AFG1L: variants seen among roughly 807,000 people sequenced by gnomAD.
The protein encoded by AFG1L is AFG1-like ATPase.
AFG1L carries 53 observed loss-of-function variants against 62.2 expected under a neutral mutation model. The ratio of observed to expected loss-of-function variants is 0.85; its 90% CI spans 0.68 to 1.07. AFG1L has a LOEUF of 1.07. Among genes scored for constraint, AFG1L ranks in the 50% least tolerant of loss-of-function variants. The pLI is 0.00. For missense variants in AFG1L, 555 were observed against 590.5 expected, an observed-to-expected ratio of 0.94 and a Z score of 0.62; for synonymous variants, 228 against 210.3, an observed-to-expected ratio of 1.08 and a Z score of -0.73.
chr6:108,376,918 C>T (rs570372473), intron 6 of AFG1L, among the ~76,000 whole-genome samples: 17 of 152,066 alleles, frequency 1.1e-4, no homozygotes, highest in Admixed American at 2.0e-4. Flanking sequence ...CTGGATGCTC[C>T]GATGTTGGAT....
intron 10 of AFG1L, among the ~76,000 whole-genome samples, chr6:108,480,580 A>C (rs1453555748): frequency 6.6e-6 from 1 of 152,112 alleles, no homozygotes; most frequent in Non-Finnish European, 1.5e-5. Flanking sequence ...GGCGGATCAC[A>C]TGAGGTCAGG....
intron 3 of AFG1L, among the ~76,000 whole-genome samples, chr6:108,353,965 T>G (rs1285183545): frequency 2.0e-5 from 3 of 152,212 alleles, no homozygotes; most frequent in Non-Finnish European, 4.4e-5. Context: ...AAGATAAGAC[T>G]TAGATCTTCC....
chr6:108,373,765 A>G (rs1780120220), intron 6 of AFG1L, among the ~76,000 whole-genome samples: 1 of 151,150 alleles, frequency 6.6e-6, no homozygotes, highest in South Asian at 2.1e-4. Context: ...TTAGTAGAAG[A>G]TGGGGTTTCA....
intron 7 of AFG1L, among the ~76,000 whole-genome samples, chr6:108,438,198 G>A (rs1771394260): frequency 6.6e-6 from 1 of 152,072 alleles, no homozygotes; most frequent in Non-Finnish European, 1.5e-5. Context: ...GGTTTATTAG[G>A]ACTTCTAAAA....
At chr6:108,455,783 T>C (rs887421540) in intron 8 of AFG1L, among the ~76,000 whole-genome samples, 5 of 152,212 alleles carry the variant, frequency 3.3e-5, no homozygotes, top group Admixed American at 2.0e-4. Flanking sequence ...CAGATTTAAC[T>C]AATTATGGTT....
chr6:108,329,807 T>C (rs1297126302), intron 2 of AFG1L, among the ~76,000 whole-genome samples: 1 of 152,216 alleles, frequency 6.6e-6, no homozygotes, highest in African/African-American at 2.4e-5. Flanking sequence ...TGGAGTTCTT[T>C]ATTCTGGTGC....
At chr6:108,346,373 T>C (rs566504746) in intron 2 of AFG1L, among the ~76,000 whole-genome samples, 1 of 152,174 alleles carries the variant, frequency 6.6e-6, no homozygotes, top group East Asian at 1.9e-4. Flanking sequence ...CTACTTTTTT[T>C]TTTTTAAATT....
intron 11 of AFG1L, among the ~76,000 whole-genome samples, chr6:108,516,532 C>T (rs1370220703): frequency 6.6e-6 from 1 of 152,138 alleles, no homozygotes. Flanking sequence ...ATGACAAACC[C>T]ACAGCCAATA....
intron 1 of AFG1L, among the ~76,000 whole-genome samples, chr6:108,295,592 T>C (rs1056594599): frequency 1.3e-5 from 2 of 152,062 alleles, no homozygotes; most frequent in Non-Finnish European, 2.9e-5. Flanking sequence ...TGACGGGCAC[T>C]GGAGGAAGAG....
At chr6:108,521,087 C>T (rs1447131750) in intron 12 of AFG1L, 3 of 152,238 alleles carry the variant, frequency 2.0e-5, no homozygotes, top group Non-Finnish European at 4.4e-5. Context: ...CAGTTTCATC[C>T]TGAAACCATC....
chr6:108,432,341 A>G (rs996920947), intron 7 of AFG1L, among the ~76,000 whole-genome samples: 1 of 152,032 alleles, frequency 6.6e-6, no homozygotes, highest in Non-Finnish European at 1.5e-5. Flanking sequence ...TCTTTAAACT[A>G]CTTCAGCTTT....
chr6:108,437,193 A>T (rs1278854734), intron 7 of AFG1L, among the ~76,000 whole-genome samples: 2 of 152,244 alleles, frequency 1.3e-5, no homozygotes, highest in African/African-American at 4.8e-5. Context: ...CTGGGGGGAC[A>T]CAAATATTTA....
intron 10 of AFG1L, among the ~76,000 whole-genome samples, chr6:108,485,657 T>TATATATATATATATA (rs869070532): frequency 2.5e-3 from 31 of 12,590 alleles, no homozygotes; most frequent in Middle Eastern, 0.083. Context: ...TATATATATA[T>TATATATATATATATA]TTTTTTTTTT....
intron 5 of AFG1L, among the ~76,000 whole-genome samples, chr6:108,357,684 G>A (rs1421274329): frequency 1.3e-5 from 2 of 152,220 alleles, no homozygotes; most frequent in Non-Finnish European, 2.9e-5. Flanking sequence ...TAAAGGGAGG[G>A]AATTGCCTTA....
intron 6 of AFG1L, among the ~76,000 whole-genome samples, chr6:108,367,176 T>C (rs903684778): frequency 2.0e-5 from 3 of 152,202 alleles, no homozygotes; most frequent in Non-Finnish European, 4.4e-5. Flanking sequence ...CCTTCCAGGA[T>C]ACAAAAGCTT....
At chr6:108,396,320 A>G (rs1002711805) in intron 6 of AFG1L, among the ~76,000 whole-genome samples, 2 of 152,224 alleles carry the variant, frequency 1.3e-5, no homozygotes, top group Admixed American at 1.3e-4. Flanking sequence ...GTATGTGTGT[A>G]TAAATATACC....
At position 108,490,376 on chromosome 6, in the gene AFG1L, C is replaced by CA. The variant is rs919819422; in HGVS notation, c.1062+13091dup. Reference sequence around the variant, plus strand: ...TTCGTCTCAAAAGCAAACAAACAAACAAAAAAACAGAAGTAATTTACTAGA... The same window carrying CA: ...TTCGTCTCAAAAGCAAACAAACAAACAAAAAAAACAGAAGTAATTTACTAGA... On this transcript the variant is annotated intron_variant, in intron 10 of 12. Coordinates refer to ENST00000368977, the MANE Select transcript of AFG1L (RefSeq NM_145315.5). Among the ~76,000 whole-genome samples, 11 of 151,766 alleles carry CA rather than the reference C, an allele frequency of 7.2e-5. No homozygotes were observed. In the East Asian group the frequency reaches 1.9e-3, roughly 27 times the overall value.
intron 1 of AFG1L, among the ~76,000 whole-genome samples, chr6:108,300,659 A>G (rs1209133167): frequency 6.6e-6 from 1 of 150,914 alleles, no homozygotes; most frequent in Non-Finnish European, 1.5e-5. Context: ...CTCACTGGTT[A>G]TAGCGTTTGA....
At chr6:108,321,078 A>C (rs1777795957) in intron 1 of AFG1L, among the ~76,000 whole-genome samples, 1 of 152,198 alleles carries the variant, frequency 6.6e-6, no homozygotes, top group African/African-American at 2.4e-5. Context: ...TGAAGTGAGC[A>C]TCAGATCCCA....
Sources: gnomAD v4.1 joint callset for allele counts (sites outside exome capture counted in the v4.1 genomes callset) on GRCh38, gnomAD v4.1.1 for gene constraint, MANE v1.5 for transcripts, NCBI Gene and HGNC (gene_info 2026-07-23, HGNC 2026-07-21) for gene names.